Variants in WASL observed in about 807,000 individuals in gnomAD.
WASL encodes the protein actin nucleation-promoting factor WASL.
A neutral mutation model predicts 55.5 loss-of-function variants in WASL; 20 were observed. That is an observed-to-expected ratio of 0.36 (90% CI 0.25 to 0.52). The LOEUF (loss-of-function observed/expected upper bound fraction) is 0.52. Ranked by LOEUF, WASL falls within the 20% of genes least tolerant of loss-of-function variation. WASL has a pLI of 0.92. For missense variants in WASL, 504 were observed against 622.5 expected, an observed-to-expected ratio of 0.81 and a Z score of 2.03; for synonymous variants, 249 against 217.6, an observed-to-expected ratio of 1.14 and a Z score of -1.27.
chr7:123,730,908 C>A (rs1236971748), intron 1 of WASL, among the ~76,000 whole-genome samples: 1 of 152,158 alleles, frequency 6.6e-6, no homozygotes, highest in African/African-American at 2.4e-5. Flanking sequence ...AGGTAATCAG[C>A]ATAGTATCCC....
chr7:123,717,583 T>C (rs546417748), intron 1 of WASL, among the ~76,000 whole-genome samples: 3 of 152,330 alleles, frequency 2.0e-5, no homozygotes, highest in African/African-American at 7.2e-5. Flanking sequence ...ATGATCCAAC[T>C]ACATGGACAC....
rs576131007 is a variant in WASL at position 123,742,504 on chromosome 7, G to C, written c.117+6114C>G. 2.0e-5 allele frequency among the ~76,000 whole-genome samples: 3 copies of C among 152,056 alleles called. No individual in the cohort carries two copies. The South Asian group carries it at 6.2e-4, about 32-fold the overall frequency. ...AAGTCTACCACTGAAACTAAAAACC[G>C]ATTTTTTTAATATTGGAAAATAAGC... On this transcript the variant is annotated intron_variant, in intron 1 of 10. Coordinates refer to ENST00000223023, the MANE Select transcript of WASL (RefSeq NM_003941.4).
chr7:123,705,552 C>T (rs533583876), intron 4 of WASL, among the ~76,000 whole-genome samples: 1 of 152,274 alleles, frequency 6.6e-6, no homozygotes, highest in African/African-American at 2.4e-5. Context: ...GTTCTTTCTT[C>T]TGAAACTCAT....
chr7:123,739,622 A>C (rs1205031285), intron 1 of WASL, among the ~76,000 whole-genome samples: 3 of 152,198 alleles, frequency 2.0e-5, no homozygotes, highest in Non-Finnish European at 4.4e-5. Context: ...TTCTGAGCAC[A>C]TTTAAGGAAG....
intron 1 of WASL, among the ~76,000 whole-genome samples, chr7:123,738,175 T>TTAAC (rs1804270302): frequency 2.0e-5 from 3 of 151,834 alleles, no homozygotes; most frequent in Admixed American, 6.6e-5. Context: ...TAGAGGTTAA[T>TTAAC]TACACATAAA....
intron 1 of WASL, among the ~76,000 whole-genome samples, chr7:123,718,333 G>T (rs187352046): frequency 6.6e-6 from 1 of 152,076 alleles, no homozygotes; most frequent in African/African-American, 2.4e-5. Flanking sequence ...CAGAACAATA[G>T]AATTTTGTAT....
chr7:123,725,473 A>C (rs540402881), intron 1 of WASL, among the ~76,000 whole-genome samples: 2 of 152,246 alleles, frequency 1.3e-5, no homozygotes, highest in African/African-American at 4.8e-5. Context: ...TGCCTCTGAA[A>C]CCTATTTCTA....
chr7:123,734,808 T>C (rs569755535), intron 1 of WASL, among the ~76,000 whole-genome samples: 1 of 152,194 alleles, frequency 6.6e-6, no homozygotes, highest in East Asian at 1.9e-4. Flanking sequence ...CTTTAGTTAA[T>C]AATAATGTAT....
At chr7:123,693,007 T>C in intron 8 of WASL, 140 bp from the exon 9 acceptor site, 2 of 1,162,806 alleles carry the variant, frequency 1.7e-6, no homozygotes, top group Admixed American at 3.2e-5. Flanking sequence ...TTTACAAAGA[T>C]ACCTGAGCAC....
intron 8 of WASL, 85 bp downstream of exon 8, chr7:123,694,630 A>C: frequency 7.1e-7 from 1 of 1,405,242 alleles, no homozygotes; most frequent in Non-Finnish European, 9.8e-7. Context: ...GGAAGGGTTC[A>C]CATGTATGAA....
chr7:123,708,547 T>C (rs1023713257), intron 2 of WASL, among the ~76,000 whole-genome samples: 2 of 152,142 alleles, frequency 1.3e-5, no homozygotes, highest in Non-Finnish European at 2.9e-5. Context: ...ATTCAATCTA[T>C]AACAATGTGA....
At chr7:123,702,992 T>C (rs1278318379) in intron 5 of WASL, among the ~76,000 whole-genome samples, 1 of 152,222 alleles carries the variant, frequency 6.6e-6, no homozygotes, top group Non-Finnish European at 1.5e-5. Context: ...CAATACTGTA[T>C]ATACTCTCCA....
At chr7:123,709,791 T>A (rs368437452) in intron 1 of WASL, among the ~76,000 whole-genome samples, 9 of 152,310 alleles carry the variant, frequency 5.9e-5, no homozygotes, top group African/African-American at 1.9e-4. Context: ...AAAGCAGTAT[T>A]ACCACCCTGG....
intron 1 of WASL, among the ~76,000 whole-genome samples, chr7:123,725,631 A>AT (rs2116809616): frequency 6.6e-6 from 1 of 152,256 alleles, no homozygotes; most frequent in East Asian, 1.9e-4. Flanking sequence ...CTTTACTTGT[A>AT]TTTTCTTATT....
chr7:123,708,550 C>A, intron 2 of WASL, among the ~76,000 whole-genome samples: 1 of 151,908 alleles, frequency 6.6e-6, no homozygotes, highest in African/African-American at 2.4e-5. Flanking sequence ...CAATCTATAA[C>A]AATGTGATTT....
intron 10 of WASL, 61 bp from the exon 11 acceptor site, chr7:123,684,641 T>C: frequency 6.8e-7 from 1 of 1,467,314 alleles, no homozygotes; most frequent in Non-Finnish European, 9.1e-7. Flanking sequence ...ACATAATTCT[T>C]GGGTGGTTTC....
At chr7:123,745,173 C>A (rs1284136433) in intron 1 of WASL, among the ~76,000 whole-genome samples, 1 of 152,106 alleles carries the variant, frequency 6.6e-6, no homozygotes, top group Admixed American at 6.5e-5. Context: ...ATAACTGGGA[C>A]TAATTTCTGC....
intron 1 of WASL, among the ~76,000 whole-genome samples, chr7:123,734,500 G>T (rs1009161751): frequency 6.7e-6 from 1 of 149,996 alleles, no homozygotes. Context: ...TGAATGTGGT[G>T]CAACAGAAAC....
chr7:123,711,497 G>A (rs1363813919), intron 1 of WASL, among the ~76,000 whole-genome samples: 2 of 152,138 alleles, frequency 1.3e-5, no homozygotes, highest in Non-Finnish European at 2.9e-5. Context: ...ATCAGTCTAA[G>A]TGTCTATTTC....
Sources: allele counts gnomAD v4.1 joint callset (sites outside exome capture counted in the v4.1 genomes callset), GRCh38; gene constraint gnomAD v4.1.1; transcripts MANE v1.5; gene names NCBI Gene and HGNC (gene_info 2026-07-23, HGNC 2026-07-21).